CSMD1: variants seen among roughly 807,000 people sequenced by gnomAD.
CSMD1 encodes CUB and Sushi multiple domains 1.
A neutral mutation model predicts 417.5 loss-of-function variants in CSMD1; 213 were observed. The ratio of observed to expected loss-of-function variants is 0.51; its 90% CI spans 0.46 to 0.57. The LOEUF is 0.57. Ranked by LOEUF, CSMD1 falls within the 20% of genes least tolerant of loss-of-function variation. The probability of loss-of-function intolerance (pLI) is 0.00; values close to 1 mark genes in which losing one functional copy is unlikely to be tolerated. For missense variants in CSMD1, 6,923 were observed against 4,529.7 expected (o/e 1.53, Z -15.17); for synonymous variants, 2,862 against 1,736.8 (o/e 1.65, Z -16.11).
At chr8:3,643,995 T>C (rs568729511) in intron 7 of CSMD1, among the ~76,000 whole-genome samples, 37 of 152,316 alleles carry the variant, frequency 2.4e-4, no homozygotes, top group African/African-American at 8.7e-4. Context: ...GGTGAATTCA[T>C]CGCTGTTGTT....
chr8:3,713,514 C>A (rs1465380220), intron 6 of CSMD1, among the ~76,000 whole-genome samples: 1 of 152,102 alleles, frequency 6.6e-6, no homozygotes, highest in African/African-American at 2.4e-5. Context: ...TCTGCCCCAG[C>A]CCCCACAGCC....
intron 5 of CSMD1, among the ~76,000 whole-genome samples, chr8:3,843,014 AAAGT>A (rs1015661918): frequency 1.1e-4 from 16 of 152,180 alleles, no homozygotes; most frequent in African/African-American, 2.7e-4. Context: ...GCAACCCTGA[AAAGT>A]AAGGATTATT....
At chr8:4,195,787 A>G (rs1395622395) in intron 3 of CSMD1, among the ~76,000 whole-genome samples, 1 of 152,168 alleles carries the variant, frequency 6.6e-6, no homozygotes, top group Non-Finnish European at 1.5e-5. Flanking sequence ...ACACAACCTG[A>G]ATGAGCTTGG....
chr8:3,684,037 C>G (rs1799805330), intron 7 of CSMD1, among the ~76,000 whole-genome samples: 1 of 149,744 alleles, frequency 6.7e-6, no homozygotes, highest in Non-Finnish European at 1.5e-5. Context: ...AAGAGACAGT[C>G]TTTCTATTTT....
intron 5 of CSMD1, among the ~76,000 whole-genome samples, chr8:3,957,112 G>C (rs142900067): frequency 4.3e-5 from 6 of 138,848 alleles, no homozygotes; most frequent in Non-Finnish European, 6.3e-5. Flanking sequence ...ATTTCCTCAC[G>C]TTCCTGCTCC....
At chr8:3,268,993 G>A (rs1563206437) in intron 26 of CSMD1, among the ~76,000 whole-genome samples, 1 of 152,172 alleles carries the variant, frequency 6.6e-6, no homozygotes, top group Non-Finnish European at 1.5e-5. Flanking sequence ...TCAAGAATAG[G>A]AGAAGTGCCA....
intron 5 of CSMD1, among the ~76,000 whole-genome samples, chr8:3,922,216 CT>C (rs1433765590): frequency 1.2e-4 from 18 of 152,052 alleles, no homozygotes; most frequent in African/African-American, 4.3e-4. Context: ...TTTTTAACCA[CT>C]TGCATAAAAA....
At chr8:3,865,151 C>G (rs1225865355) in intron 5 of CSMD1, among the ~76,000 whole-genome samples, 1 of 152,214 alleles carries the variant, frequency 6.6e-6, no homozygotes, top group Non-Finnish European at 1.5e-5. Context: ...TGTTCCAGCT[C>G]AGGCTCCGAT....
At chr8:3,568,249 T>A (rs1473712776) in intron 10 of CSMD1, among the ~76,000 whole-genome samples, 2 of 152,172 alleles carry the variant, frequency 1.3e-5, no homozygotes, top group Non-Finnish European at 2.9e-5. Context: ...AATCAAAGTT[T>A]CACATATTTT....
At chr8:4,777,053 A>T (rs1796889262) in intron 1 of CSMD1, among the ~76,000 whole-genome samples, 1 of 152,202 alleles carries the variant, frequency 6.6e-6, no homozygotes, top group African/African-American at 2.4e-5. Flanking sequence ...GGTGAACTCC[A>T]GCCTGTATCC....
chr8:4,546,411 A>G (rs1054843906), intron 2 of CSMD1, among the ~76,000 whole-genome samples: 15 of 152,174 alleles, frequency 9.9e-5, no homozygotes, highest in Non-Finnish European at 1.2e-4. Context: ...AAGATATTAG[A>G]GTTTGAATCG....
chr8:4,713,650 T>G (rs1169772139), intron 1 of CSMD1, among the ~76,000 whole-genome samples: 1 of 152,092 alleles, frequency 6.6e-6, no homozygotes, highest in Non-Finnish European at 1.5e-5. Context: ...AAGTGGAACG[T>G]CTCTTAACAA....
chr8:3,160,636 T>C (rs1334013159), intron 38 of CSMD1, among the ~76,000 whole-genome samples: 1 of 152,248 alleles, frequency 6.6e-6, no homozygotes, highest in Non-Finnish European at 1.5e-5. Flanking sequence ...GATGGTGTTA[T>C]AATGTAAGTG....
intron 3 of CSMD1, among the ~76,000 whole-genome samples, chr8:4,304,251 G>A (rs1392376982): frequency 6.6e-6 from 1 of 152,118 alleles, no homozygotes; most frequent in Non-Finnish European, 1.5e-5. Context: ...GGCTTTGCAG[G>A]CAAAGTCAAG....
intron 2 of CSMD1, among the ~76,000 whole-genome samples, chr8:4,471,490 C>T (rs551780644): frequency 6.6e-6 from 1 of 152,140 alleles, no homozygotes. Flanking sequence ...CCTAACAAAA[C>T]ATGGCTCAGT....
At chr8:3,924,924 T>G (rs1487178374) in intron 5 of CSMD1, among the ~76,000 whole-genome samples, 1 of 152,218 alleles carries the variant, frequency 6.6e-6, no homozygotes, top group South Asian at 2.1e-4. Flanking sequence ...ATATTTCCTT[T>G]ATTTTTTTCT....
chr8:3,494,866 T>C (rs1239859913), intron 10 of CSMD1, among the ~76,000 whole-genome samples: 5 of 152,162 alleles, frequency 3.3e-5, no homozygotes, highest in African/African-American at 1.2e-4. Context: ...ATCAAATGCC[T>C]GTTTGTTAAG....
chr8:3,654,182 C>G (rs748559438), intron 7 of CSMD1, among the ~76,000 whole-genome samples: 2 of 152,200 alleles, frequency 1.3e-5, no homozygotes, highest in Non-Finnish European at 2.9e-5. Flanking sequence ...AGACATCATT[C>G]TCAGCAGTGT....
chr8:4,338,083 G>A (rs775627243), intron 3 of CSMD1, among the ~76,000 whole-genome samples: 4 of 152,024 alleles, frequency 2.6e-5, no homozygotes, highest in Non-Finnish European at 5.9e-5. Context: ...TTTAATACAT[G>A]CACTTTTATG....
Sources: gnomAD v4.1 joint callset for allele counts (sites outside exome capture counted in the v4.1 genomes callset) on GRCh38, gnomAD v4.1.1 for gene constraint, MANE v1.5 for transcripts, NCBI Gene and HGNC (gene_info 2026-07-23, HGNC 2026-07-21) for gene names.